Variants in RTKN2 observed in about 807,000 individuals in gnomAD.
The protein encoded by RTKN2 is rhotekin-2.
In RTKN2, 69 loss-of-function variants were observed where a neutral mutation model predicts 71.5. The observed-to-expected ratio is 0.96, with a 90% CI of 0.79 to 1.18. RTKN2 has a LOEUF of 1.18. Ranked by LOEUF, RTKN2 falls within the 50% of genes most tolerant of loss-of-function variation. The pLI is 0.00. For synonymous variants in RTKN2, 236 were observed against 236.5 expected, an observed-to-expected ratio of 1.00 and a Z score of 0.02; for missense variants, 724 against 719.7, an observed-to-expected ratio of 1.01 and a Z score of -0.07.
chr10:62,253,909 T>C (rs1842626259), intron 2 of RTKN2, among the ~76,000 whole-genome samples: 1 of 152,096 alleles, frequency 6.6e-6, no homozygotes, highest in African/African-American at 2.4e-5. Context: ...TATAGTTCTA[T>C]TTATACTAAG....
intron 2 of RTKN2, among the ~76,000 whole-genome samples, chr10:62,253,430 C>A (rs532037311): frequency 1.3e-5 from 2 of 152,180 alleles, no homozygotes; most frequent in African/African-American, 4.8e-5. Context: ...CAAGACAGTT[C>A]AATGGGTCAA....
At chr10:62,229,377 C>T (rs938167441) in intron 6 of RTKN2, among the ~76,000 whole-genome samples, 4 of 152,020 alleles carry the variant, frequency 2.6e-5, no homozygotes, top group African/African-American at 9.7e-5. Context: ...TGAAAGAGGA[C>T]AAGATTACTG....
In RTKN2 at chr10:62,231,731, T is replaced by TAAAATGGTAGACTAAAAAA. The variant is rs1491566944; in HGVS notation, c.686+4334_686+4335insTTTTTTAGTCTACCATTTT. 2.6e-5 allele frequency among the ~76,000 whole-genome samples: 4 copies of TAAAATGGTAGACTAAAAAA among 152,172 alleles called. No individual in the cohort carries two copies. The South Asian group carries it at 8.3e-4, about 32-fold the overall frequency. ...AAATGGTAGTCTAAAAAATGCACTC[T>TAAAATGGTAGACTAAAAAA]TGTCAGGAAGAACGGCTATATTTGG... is the stretch of plus-strand genomic sequence containing the variant. On this transcript the variant is annotated intron_variant, in intron 6 of 11. Transcript: ENST00000373789.
intron 9 of RTKN2, among the ~76,000 whole-genome samples, chr10:62,216,690 C>T (rs4590753): frequency 0.76 from 115,447 of 152,040 alleles, 43,928 homozygotes; most frequent in East Asian, 0.9. Flanking sequence ...TGTCAGAAGA[C>T]TGGACAATTG....
chr10:62,239,700 C>A lies in RTKN2; in HGVS notation c.436G>T (p.Val146Leu), dbSNP rs1419430863. 6.3e-7 allele frequency: 1 copy of A among 1,585,086 alleles called. No homozygotes were observed. Among genetic ancestry groups the A allele is most frequent in the African/African-American group, 1.3e-5 (1 of 74,134 alleles). ...MGANVFDTDV[V>L]NVDKTITDIC... The stretch of plus-strand genomic sequence containing the variant: ...TCTGTGATTGTTTTATCCACATTCA[C>A]CACATCAGTATCAAACACATTAGCT... The change falls in exon 5 of 12, where the codon GTG becomes TTG. Residue 146 changes from valine (V) to leucine (L), a missense_variant. Val to Leu is a conservative substitution (Grantham distance 32). Coordinates refer to ENST00000373789, the MANE Select transcript of RTKN2 (RefSeq NM_145307.4).
intron 6 of RTKN2, among the ~76,000 whole-genome samples, chr10:62,233,329 T>C (rs1035818535): frequency 7.2e-5 from 11 of 152,146 alleles, no homozygotes; most frequent in Admixed American, 6.5e-4. Flanking sequence ...TATCTAATCA[T>C]TAAAAAGAAT....
chr10:62,240,056 TTTAA>T (rs1317418004), intron 4 of RTKN2, among the ~76,000 whole-genome samples: 42 of 152,230 alleles, frequency 2.8e-4, no homozygotes, highest in African/African-American at 1.0e-3. Context: ...CTTCTTAAGC[TTTAA>T]TTAATAGTAA....
intron 6 of RTKN2, among the ~76,000 whole-genome samples, chr10:62,232,305 TTC>T (rs1842165580): frequency 7.7e-6 from 1 of 130,550 alleles, no homozygotes; most frequent in Non-Finnish European, 1.6e-5. Flanking sequence ...TAAATATAAT[TTC>T]TTTCTTTCTT....
At position 62,217,130 on chromosome 10, in the gene RTKN2, T is replaced by C; in HGVS notation, c.1008A>G (p.Val336=). 1 of 1,577,344 alleles carries C rather than the reference T, an allele frequency of 6.3e-7. No individual in the cohort carries two copies. The highest frequency in any genetic ancestry group is 8.6e-7 in the Non-Finnish European group (1 of 1,166,070). The change falls in exon 9 of 12, where the codon GTA becomes GTG. Residue 336 remains valine, a synonymous_variant. Transcript: ENST00000373789. ...GCATTTCCTTTACCTTGTTAATGGG[T>C]ACTACCAAAGCTGGTTCCACTTTAG... ...IEAKVEPALV[V]PINKETRIRA...
intron 6 of RTKN2, among the ~76,000 whole-genome samples, chr10:62,234,901 G>C (rs987986939): frequency 1.4e-4 from 21 of 151,970 alleles, no homozygotes; most frequent in Non-Finnish European, 2.9e-4. Flanking sequence ...ACTGAAAGTG[G>C]GACAAAGCCT....
chr10:62,267,407 C>A (rs1040692107), intron 1 of RTKN2, among the ~76,000 whole-genome samples: 43 of 152,186 alleles, frequency 2.8e-4, no homozygotes, highest in African/African-American at 1.0e-3. Flanking sequence ...GCAAGAACAT[C>A]AATAGAATGG....
In RTKN2 at chr10:62,198,323, G is replaced by A. The variant is rs531550836; in HGVS notation, c.1415C>T (p.Thr472Ile). The change falls in exon 12 of 12, where the codon ACA becomes ATA. Residue 472 changes from threonine (T) to isoleucine (I), a missense_variant. Coordinates refer to ENST00000373789, the MANE Select transcript of RTKN2 (RefSeq NM_145307.4). ...CATTTGATGGTTACCATCAAAGAGT[G>A]TGGCCCAAGGAGGTGGTAAGGATTC... ...HEESLPPPWA[T>I]LFDGNHQMVI... 3.1e-6 allele frequency: 5 copies of A among 1,613,862 alleles called. No individual in the cohort carries two copies. The highest frequency in any genetic ancestry group is 2.2e-5 in the East Asian group (1 of 44,880).
chr10:62,196,691 C>A lies in RTKN2; in HGVS notation c.*1217G>T, dbSNP rs1018543368. ...ATTTCTTGCAATGACATTTAGGGTT[C>A]AGTGTGATTTGAGATTTTTAGTGCT... On this transcript the variant is annotated 3_prime_UTR_variant, in exon 12 of 12. Coordinates refer to ENST00000373789, the MANE Select transcript of RTKN2 (RefSeq NM_145307.4). The A allele has an allele frequency of 3.7e-5, 36 of 984,910 alleles. No homozygotes were observed. In the African/African-American group the frequency reaches 6.3e-4, roughly 17 times the overall value. 61.0% of individuals were successfully genotyped at this position (984,910 alleles called of 1,614,324 possible).
chr10:62,262,546 A>T, intron 2 of RTKN2, 79 bp downstream of exon 2: 1 of 942,848 alleles, frequency 1.1e-6, no homozygotes, highest in Non-Finnish European at 1.6e-6. Context: ...TGACATTGGT[A>T]CTTAAGCTTA....
chr10:62,211,417 C>T (rs1232375459), intron 9 of RTKN2, among the ~76,000 whole-genome samples: 1 of 152,032 alleles, frequency 6.6e-6, no homozygotes, highest in African/African-American at 2.4e-5. Context: ...TTTAGAAGGA[C>T]AAGAATTATA....
chr10:62,184,479 G>C (rs1453053672), intron 8 of RTKN2: 2 of 633,878 alleles, frequency 3.2e-6, no homozygotes, highest in Non-Finnish European at 5.3e-6. Context: ...AAGGCAGTCA[G>C]TGGAAAAGAT....
At chr10:62,250,118 G>A (rs1311161643) in intron 2 of RTKN2, among the ~76,000 whole-genome samples, 1 of 152,202 alleles carries the variant, frequency 6.6e-6, no homozygotes, top group African/African-American at 2.4e-5. Flanking sequence ...GCTTGTAGAA[G>A]CCTTGCATAT....
At chr10:62,188,477 A>T (rs1041497999), downstream of RTKN2, among the ~76,000 whole-genome samples, 1 of 152,198 alleles carries the variant, frequency 6.6e-6, no homozygotes, top group African/African-American at 2.4e-5. Flanking sequence ...CACAATCAAT[A>T]GGAGGAGAAC....
intron 10 of RTKN2, among the ~76,000 whole-genome samples, chr10:62,203,274 G>A (rs909340412): frequency 6.6e-6 from 1 of 151,872 alleles, no homozygotes; most frequent in Non-Finnish European, 1.5e-5. Flanking sequence ...AATGGTTAAA[G>A]TTTTAGCTAT....
Sources: gnomAD v4.1 joint callset for allele counts (sites outside exome capture counted in the v4.1 genomes callset) on GRCh38, gnomAD v4.1.1 for gene constraint, MANE v1.5 for transcripts, NCBI Gene and HGNC (gene_info 2026-07-23, HGNC 2026-07-21) for gene names.